KCND3: variants seen among roughly 807,000 people sequenced by gnomAD.
The protein encoded by KCND3 is potassium voltage-gated channel subfamily D member 3, also known as A-type voltage-gated potassium channel KCND3.
Under a neutral mutation model 51.1 loss-of-function variants are expected in KCND3, and 9 were observed. That is an observed-to-expected ratio of 0.18 (90% confidence interval 0.11 to 0.31). The LOEUF (loss-of-function observed/expected upper bound fraction) is 0.31. Ranked by LOEUF, KCND3 falls within the 10% of genes least tolerant of loss-of-function variation. KCND3 has a pLI of 1.00. For synonymous variants in KCND3, 349 were observed against 368.0 expected (o/e 0.95, Z 0.59); for missense variants, 526 against 903.8 (o/e 0.58, Z 5.36).
intron 2 of KCND3, among the ~76,000 whole-genome samples, chr1:111,892,296 C>T (rs1453140420): frequency 1.3e-5 from 2 of 152,174 alleles, no homozygotes; most frequent in African/African-American, 2.4e-5. Flanking sequence ...CTCTCTCTTT[C>T]TCTCTCTCTG....
In KCND3 at chr1:111,896,722, G is replaced by T. The variant is rs1557704650; in HGVS notation, c.1106+84899C>A. On this transcript the variant is annotated intron_variant, in intron 2 of 7. Transcript: ENST00000302127. ...CTACAGTGTCAGGCCAAGCTGGAAG[G>T]TGGCATCCCCTTTATGGGCATCATC... 2.0e-5 allele frequency among the ~76,000 whole-genome samples: 3 copies of T among 152,340 alleles called. No homozygotes were observed. The South Asian group carries it at 6.2e-4, about 32-fold the overall frequency.
intron 2 of KCND3, among the ~76,000 whole-genome samples, chr1:111,929,110 C>T (rs915298569): frequency 2.0e-5 from 3 of 152,164 alleles, no homozygotes; most frequent in Admixed American, 2.0e-4. Flanking sequence ...TGTAATAATT[C>T]CAAGAGGGAA....
chr1:111,827,782 T>C (rs1397439966), intron 2 of KCND3, among the ~76,000 whole-genome samples: 1 of 152,128 alleles, frequency 6.6e-6, no homozygotes, highest in East Asian at 1.9e-4. Context: ...GGAATGTTGA[T>C]ATGATGGAGC....
At chr1:111,890,761 G>A (rs1669786129) in intron 2 of KCND3, among the ~76,000 whole-genome samples, 1 of 152,152 alleles carries the variant, frequency 6.6e-6, no homozygotes, top group Admixed American at 6.5e-5. Context: ...CAGCAAGGTG[G>A]GTAGACCTGG....
chr1:111,987,882 A>C (rs1200136874), intron 1 of KCND3, among the ~76,000 whole-genome samples: 1 of 152,214 alleles, frequency 6.6e-6, no homozygotes, highest in Non-Finnish European at 1.5e-5. Context: ...GAGGCATTCA[A>C]AACAGGTAAG....
chr1:111,810,999 C>A (rs1282178736), intron 2 of KCND3, among the ~76,000 whole-genome samples: 1 of 152,158 alleles, frequency 6.6e-6, no homozygotes, highest in Non-Finnish European at 1.5e-5. Context: ...AGCTTCAGGG[C>A]CTCAGGAAGG....
At chr1:111,793,846 T>A (rs1664945980) in intron 2 of KCND3, among the ~76,000 whole-genome samples, 1 of 151,432 alleles carries the variant, frequency 6.6e-6, no homozygotes, top group South Asian at 2.1e-4. Context: ...AAAAAAAAAA[T>A]TTAAACCCAA....
chr1:111,881,721 C>G (rs1669335754), intron 2 of KCND3, among the ~76,000 whole-genome samples: 1 of 152,168 alleles, frequency 6.6e-6, no homozygotes, highest in Admixed American at 6.5e-5. Context: ...CACTCCCTTC[C>G]CCTCTCTGGG....
intron 2 of KCND3, among the ~76,000 whole-genome samples, chr1:111,794,278 C>A (rs1177251500): frequency 1.3e-5 from 2 of 152,256 alleles, no homozygotes; most frequent in Non-Finnish European, 2.9e-5. Flanking sequence ...CAATTAATTG[C>A]TCCCTTCATT....
In KCND3 at chr1:111,864,218, G is replaced by T. The variant is rs532191940; in HGVS notation, c.1107-77112C>A. ...CATATTCTTCTCTCAGTCCCACATG[G>T]CACTCACTGATAAGAGCTGGGAAAT... On this transcript the variant is annotated intron_variant, in intron 2 of 7. Coordinates refer to ENST00000302127, the MANE Select transcript of KCND3 (RefSeq NM_001378969.1). Among the ~76,000 whole-genome samples, 3 of 152,224 alleles carry T rather than the reference G, an allele frequency of 2.0e-5. No individual in the cohort carries two copies. In the South Asian group the frequency reaches 6.2e-4, roughly 32 times the overall value.
rs554214736 is a variant in KCND3, at chr1:111,773,490, C to A, written c.*2587G>T. 1 of 141,236 alleles carries A rather than the reference C, an allele frequency of 7.1e-6. No individual in the cohort carries two copies. Among genetic ancestry groups the A allele is most frequent in the Admixed American group, 7.6e-5 (1 of 13,124 alleles). 8.7% of individuals were successfully genotyped at this position (141,236 alleles called of 1,614,324 possible). On this transcript the variant is annotated 3_prime_UTR_variant, in exon 8 of 8. Coordinates refer to ENST00000302127, the MANE Select transcript of KCND3 (RefSeq NM_001378969.1). Reference sequence around the variant, plus strand: ...GGGCTGGAGTGCAGTGGTGCAATCACGGCTCACTGCAACCTCTGCCTCCTG... The same window carrying A: ...GGGCTGGAGTGCAGTGGTGCAATCAAGGCTCACTGCAACCTCTGCCTCCTG...
intron 2 of KCND3, among the ~76,000 whole-genome samples, chr1:111,888,256 T>C (rs961648214): frequency 6.6e-6 from 1 of 151,902 alleles, no homozygotes; most frequent in Non-Finnish European, 1.5e-5. Context: ...GGGATTGTGG[T>C]AATTACAAGA....
Position 111,780,666 on chromosome 1 carries a change from A to C in KCND3, c.1371+24T>G. ...GCCCATCTACCCCTTTATGTTCCCT[A>C]GCCCAGGTCCTCTAGGCACCTACCG... On this transcript the variant is annotated intron_variant, in intron 4 of 7. Transcript: ENST00000302127. The surrounding 1 kb of genome is among the most constrained non-coding windows in gnomAD (Gnocchi z 4.2). 2 of 1,582,982 alleles carry C rather than the reference A, an allele frequency of 1.3e-6. No individual in the cohort carries two copies. Among genetic ancestry groups the C allele is most frequent in the South Asian group, 1.1e-5 (1 of 87,458 alleles).
At chr1:111,844,404 C>T (rs887526419) in intron 2 of KCND3, among the ~76,000 whole-genome samples, 7 of 152,102 alleles carry the variant, frequency 4.6e-5, no homozygotes, top group African/African-American at 9.7e-5. Flanking sequence ...AAGGTACACA[C>T]GTCTATCCTC....
At chr1:111,873,896 T>C (rs909976795) in intron 2 of KCND3, among the ~76,000 whole-genome samples, 3 of 151,902 alleles carry the variant, frequency 2.0e-5, no homozygotes, top group African/African-American at 7.3e-5. Flanking sequence ...CGGAGAATGA[T>C]TGGACGGGGT....
At chr1:111,844,202 G>A (rs1667451514) in intron 2 of KCND3, among the ~76,000 whole-genome samples, 1 of 152,206 alleles carries the variant, frequency 6.6e-6, no homozygotes, top group South Asian at 2.1e-4. Context: ...AACATGAGAT[G>A]AAAGCAAATT....
intron 2 of KCND3, among the ~76,000 whole-genome samples, chr1:111,894,655 T>TGTG (rs1308128995): frequency 6.6e-6 from 1 of 152,116 alleles, no homozygotes; most frequent in Non-Finnish European, 1.5e-5. Flanking sequence ...ACCACGGCAA[T>TGTG]GTGGGAAGCT....
intron 2 of KCND3, among the ~76,000 whole-genome samples, chr1:111,883,978 G>C (rs987811475): frequency 6.6e-6 from 1 of 152,218 alleles, no homozygotes; most frequent in Admixed American, 6.5e-5. Flanking sequence ...CACCATCTCC[G>C]TGGGATTCCG....
At chr1:111,828,886 T>G (rs1217634968) in intron 2 of KCND3, among the ~76,000 whole-genome samples, 1 of 152,218 alleles carries the variant, frequency 6.6e-6, no homozygotes, top group Non-Finnish European at 1.5e-5. Context: ...TACCCCAGAC[T>G]GGATTCCCAT....
Sources: gnomAD v4.1 joint callset for allele counts (sites outside exome capture counted in the v4.1 genomes callset) on GRCh38, gnomAD v4.1.1 for gene constraint, Gnocchi (gnomAD v3.1) non-coding constraint, MANE v1.5 for transcripts, NCBI Gene and HGNC (gene_info 2026-07-23, HGNC 2026-07-21) for gene names.